The following PITPNB variants were observed in gnomAD, a reference collection of about 807,000 sequenced individuals.
The protein encoded by PITPNB is phosphatidylinositol transfer protein beta isoform.
Under a neutral mutation model 45.9 loss-of-function variants are expected in PITPNB, and 16 were observed. The ratio of observed to expected loss-of-function variants is 0.35; its 90% CI spans 0.24 to 0.53. The LOEUF is 0.53. PITPNB is among the 20% of genes least tolerant of loss of function. The pLI, the probability that PITPNB is intolerant of heterozygous loss-of-function variation, is 0.93. For synonymous variants in PITPNB, 112 were observed against 108.9 expected (o/e 1.03, Z -0.18); for missense variants, 188 against 330.5 (o/e 0.57, Z 3.34).
intron 8 of PITPNB, among the ~76,000 whole-genome samples, chr22:27,869,187 T>C (rs1319446499): frequency 6.6e-6 from 1 of 152,012 alleles, no homozygotes; most frequent in African/African-American, 2.4e-5. Context: ...CTTAATCAGG[T>C]TATAAATCGC....
intron 10 of PITPNB, among the ~76,000 whole-genome samples, chr22:27,856,061 A>C (rs1934163782): frequency 6.6e-6 from 1 of 152,176 alleles, no homozygotes. Flanking sequence ...GTGTGGAACC[A>C]AGCACTCCCC....
At chr22:27,864,609 C>G (rs1332697272) in intron 8 of PITPNB, among the ~76,000 whole-genome samples, 1 of 152,100 alleles carries the variant, frequency 6.6e-6, no homozygotes, top group Admixed American at 6.6e-5. Context: ...CATAGGCCTT[C>G]CATACGATGG....
intron 7 of PITPNB, among the ~76,000 whole-genome samples, chr22:27,887,567 C>G (rs1226292730): frequency 6.6e-6 from 1 of 151,958 alleles, no homozygotes; most frequent in African/African-American, 2.4e-5. Flanking sequence ...CACCCCACCT[C>G]CCCAGGTCTA....
intron 6 of PITPNB, among the ~76,000 whole-genome samples, chr22:27,895,364 C>T (rs1332105609): frequency 2.6e-5 from 4 of 151,940 alleles, no homozygotes; most frequent in African/African-American, 9.7e-5. Flanking sequence ...CTGAGGCAGG[C>T]AGATTACCTG....
In PITPNB at chr22:27,919,242, G is replaced by C. The variant is rs781672380; in HGVS notation, c.-51C>G. The C allele has an allele frequency of 6.6e-7, 1 of 1,510,788 alleles. No individual in the cohort carries two copies. 93.6% of individuals were successfully genotyped at this position (1,510,788 alleles called of 1,614,324 possible). A position where few individuals can be genotyped will look rare whatever the true frequency, so the allele number is the denominator to read the frequency against. ...CGCCGATACCACCGCCGCCGCCGCC[G>C]CTACCGCCTCTCACAGCGCCTGCGC... On this transcript the variant is annotated 5_prime_UTR_variant, in exon 1 of 12. Coordinates refer to ENST00000335272, the MANE Select transcript of PITPNB (RefSeq NM_012399.5).
intron 9 of PITPNB, among the ~76,000 whole-genome samples, chr22:27,859,564 TG>T (rs978362213): frequency 3.3e-5 from 5 of 152,226 alleles, no homozygotes; most frequent in Admixed American, 3.3e-4. Context: ...TAGATCTAAC[TG>T]CCCATGTTAC....
chr22:27,884,510 C>A (rs917361980), intron 7 of PITPNB, among the ~76,000 whole-genome samples: 1 of 152,194 alleles, frequency 6.6e-6, no homozygotes, highest in Non-Finnish European at 1.5e-5. Context: ...TGACCCAAAA[C>A]GAATATGGCA....
At chr22:27,873,136 G>A (rs983495418) in intron 8 of PITPNB, among the ~76,000 whole-genome samples, 2 of 151,016 alleles carry the variant, frequency 1.3e-5, no homozygotes, top group Admixed American at 6.6e-5. Flanking sequence ...GCATGGTGGC[G>A]CATGCCTGTA....
chr22:27,897,104 TG>T, intron 5 of PITPNB, 25 bp downstream of exon 5: 3 of 1,498,956 alleles, frequency 2.0e-6, no homozygotes, highest in Non-Finnish European at 2.8e-6. Flanking sequence ...AAAGAAAGTA[TG>T]AGACACAAAA....
chr22:27,859,357 A>G (rs1014701942), intron 9 of PITPNB, among the ~76,000 whole-genome samples: 3 of 152,222 alleles, frequency 2.0e-5, no homozygotes, highest in Non-Finnish European at 4.4e-5. Context: ...TACAGCAGCT[A>G]TAGTTTAAAA....
intron 3 of PITPNB, among the ~76,000 whole-genome samples, chr22:27,903,516 C>T (rs1459853181): frequency 6.6e-6 from 1 of 151,272 alleles, no homozygotes; most frequent in African/African-American, 2.4e-5. Context: ...TGGCTCACAC[C>T]TGTAATCCCA....
chr22:27,854,941 T>C lies in PITPNB; in HGVS notation c.769-2A>G. The C allele has an allele frequency of 6.2e-7, 1 of 1,611,086 alleles. No individual in the cohort carries two copies. The highest frequency in any genetic ancestry group is 8.5e-7 in the Non-Finnish European group (1 of 1,177,316). ...TCGAACGGAACCCCTCTTACGCATCTAAACGTAAAATAAAATTGTGAGCTG... is the reference window on the plus strand; with the variant it reads ...TCGAACGGAACCCCTCTTACGCATCCAAACGTAAAATAAAATTGTGAGCTG... On this transcript the variant is annotated splice_acceptor_variant, in intron 10 of 11. Transcript: ENST00000335272. LOFTEE classifies it high-confidence loss of function.
Position 27,894,642 on chromosome 22 carries a change from C to A in PITPNB, c.373-4G>T. The A allele has an allele frequency of 1.3e-6, 2 of 1,552,924 alleles. No individual in the cohort carries two copies. Among genetic ancestry groups the A allele is most frequent in the Non-Finnish European group, 1.8e-6 (2 of 1,126,742 alleles). ...TGTTTGGATCTAAACCATGTACCTA[C>A]CAATGACAAAGAGAAAAGAAACAAA... On this transcript the variant is annotated splice_polypyrimidine_tract_variant and splice_region_variant and intron_variant, in intron 6 of 11. Transcript: ENST00000335272.
At chr22:27,882,285 T>C (rs570823074) in intron 7 of PITPNB, among the ~76,000 whole-genome samples, 1 of 152,246 alleles carries the variant, frequency 6.6e-6, no homozygotes, top group Non-Finnish European at 1.5e-5. Flanking sequence ...TTAAGAAGTG[T>C]CAGATTGCTC....
At chr22:27,880,523 G>A (rs1389178998) in intron 7 of PITPNB, among the ~76,000 whole-genome samples, 1 of 151,382 alleles carries the variant, frequency 6.6e-6, no homozygotes, top group Non-Finnish European at 1.5e-5. Flanking sequence ...TACCCTCCCC[G>A]CCTTTTTACT....
At chr22:27,904,502 C>T (rs12053760) in intron 3 of PITPNB, among the ~76,000 whole-genome samples, 10,397 of 152,230 alleles carry the variant, frequency 0.068, 465 homozygotes, top group East Asian at 0.21. Context: ...CTAATGAATA[C>T]GAGATTTCTT....
At chr22:27,867,126 A>T (rs997701262) in intron 8 of PITPNB, among the ~76,000 whole-genome samples, 4 of 152,228 alleles carry the variant, frequency 2.6e-5, no homozygotes, top group Non-Finnish European at 2.9e-5. Context: ...AGTTAACTTG[A>T]ATCTAGCAAA....
At chr22:27,908,118 C>T (rs535495743) in intron 3 of PITPNB, among the ~76,000 whole-genome samples, 194 of 151,850 alleles carry the variant, frequency 1.3e-3, no homozygotes, top group Non-Finnish European at 1.8e-3. Context: ...CTTCAACTTA[C>T]GAGACTCCTT....
rs1934123746 is a variant in PITPNB at position 27,854,759 on chromosome 22, C to T, written c.*38+95G>A. 7 of 611,328 alleles carry T rather than the reference C, an allele frequency of 1.1e-5. No individual in the cohort carries two copies. In the South Asian group the frequency reaches 1.7e-4, roughly 14 times the overall value. 37.9% of individuals were successfully genotyped at this position (611,328 alleles called of 1,614,324 possible). A position where few individuals can be genotyped will look rare whatever the true frequency, so the allele number is the denominator to read the frequency against. Reference sequence around the variant, plus strand: ...CTTTTAAATTCTAAAAATAAAACCACATTTAACACTTAGAGCTTCTGCTCA... The same window carrying T: ...CTTTTAAATTCTAAAAATAAAACCATATTTAACACTTAGAGCTTCTGCTCA... On this transcript the variant is annotated intron_variant, in intron 11 of 11. Coordinates refer to ENST00000335272, the MANE Select transcript of PITPNB (RefSeq NM_012399.5).
Sources: allele counts gnomAD v4.1 joint callset (sites outside exome capture counted in the v4.1 genomes callset), GRCh38; gene constraint gnomAD v4.1.1; transcripts MANE v1.5; gene names NCBI Gene and HGNC (gene_info 2026-07-23, HGNC 2026-07-21).